ANK3: variants seen among roughly 807,000 people sequenced by gnomAD.
ANK3 encodes the protein ankyrin 3.
A neutral mutation model predicts 370.9 loss-of-function variants in ANK3; 57 were observed. The observed-to-expected ratio is 0.15, with a 90% CI of 0.12 to 0.19. ANK3 has a LOEUF of 0.19. Among genes scored for constraint, ANK3 ranks in the 10% least tolerant of loss-of-function variants. The pLI is 1.00. For synonymous variants in ANK3, 1,929 were observed against 1,946.3 expected (o/e 0.99, Z 0.23); for missense variants, 4,439 against 5,302.1 (o/e 0.84, Z 5.06).
At chr10:60,030,907 T>TA (rs2073344242) in intron 43 of ANK3, among the ~76,000 whole-genome samples, 1 of 152,196 alleles carries the variant, frequency 6.6e-6, no homozygotes, top group South Asian at 2.1e-4. Flanking sequence ...AAGCTCAGGT[T>TA]ATTCAGCTGC....
At chr10:60,723,836 A>G (rs2079898830) in intron 1 of ANK3, among the ~76,000 whole-genome samples, 2 of 152,212 alleles carry the variant, frequency 1.3e-5, no homozygotes, top group South Asian at 4.2e-4. Context: ...CAATCTGATG[A>G]TGTGATGACT....
chr10:60,062,441 A>C (rs1228080672), intron 40 of ANK3: 1 of 152,256 alleles, frequency 6.6e-6, no homozygotes, highest in Non-Finnish European at 1.5e-5. Context: ...AATTAAGCTA[A>C]TGTGAAAGAG....
At chr10:60,305,603 C>A (rs1195065723) in intron 1 of ANK3, among the ~76,000 whole-genome samples, 1 of 152,194 alleles carries the variant, frequency 6.6e-6, no homozygotes, top group Non-Finnish European at 1.5e-5. Flanking sequence ...CCACAGTCTT[C>A]CCCACTCCAG....
chr10:60,584,151 G>C (rs2077797391), intron 2 of ANK3, among the ~76,000 whole-genome samples: 3 of 152,178 alleles, frequency 2.0e-5, no homozygotes, highest in South Asian at 2.1e-4. Context: ...AAGTTCAGAG[G>C]TAGGTGAGAG....
chr10:60,541,417 T>C (rs1357365841), intron 2 of ANK3, among the ~76,000 whole-genome samples: 1 of 151,980 alleles, frequency 6.6e-6, no homozygotes, highest in African/African-American at 2.4e-5. Flanking sequence ...TTTAAAAATA[T>C]AAAAATGGCA....
At chr10:60,160,809 A>G (rs1040316990) in intron 23 of ANK3, among the ~76,000 whole-genome samples, 1 of 152,170 alleles carries the variant, frequency 6.6e-6, no homozygotes, top group Non-Finnish European at 1.5e-5. Flanking sequence ...CCATATGATC[A>G]TTTAATTAAT....
chr10:60,141,560 TG>T (rs2094557548), intron 23 of ANK3, among the ~76,000 whole-genome samples: 7 of 86,382 alleles, frequency 8.1e-5, no homozygotes, highest in African/African-American at 3.0e-4. Flanking sequence ...TTTCAATTGC[TG>T]TTTTTTTTTT....
Position 60,647,169 on chromosome 10 carries a change from C to A in ANK3, c.58-31945G>T, listed in dbSNP as rs144632777. ...TTTAGAGGAGAAATAAAAGGTATAA[C>A]ATGTTATGCCTAACCTTAAGGTGTT... On this transcript the variant is annotated intron_variant, in intron 1 of 43. Coordinates refer to the ANK3 transcript ENST00000373827. 1.9e-3 allele frequency among the ~76,000 whole-genome samples: 285 copies of A among 152,292 alleles called. 2 individuals carry two copies. Among genetic ancestry groups the A allele is most frequent in the African/African-American group, 6.5e-3 (271 of 41,558 alleles).
In ANK3 at chr10:60,054,873, G is replaced by A. The variant is rs2078842964; in HGVS notation, c.13065+785C>T. ...AGAGTAAAAAGCAGTAAAAAATGTAGGAAACAGAGCTGCTTTTTATTTTCT... is the reference window on the plus strand; with the variant it reads ...AGAGTAAAAAGCAGTAAAAAATGTAAGAAACAGAGCTGCTTTTTATTTTCT... On this transcript the variant is annotated intron_variant, in intron 42 of 43. Coordinates refer to ENST00000280772, the MANE Select transcript of ANK3 (RefSeq NM_020987.5). Among the ~76,000 whole-genome samples the A allele has an allele frequency of 1.3e-5, 2 of 152,048 alleles. 1 individual carries two copies. Among genetic ancestry groups the A allele is most frequent in the South Asian group, 4.2e-4 (2 of 4,818 alleles).
intron 2 of ANK3, among the ~76,000 whole-genome samples, chr10:60,421,786 C>T (rs543995203): frequency 1.3e-5 from 2 of 152,194 alleles, no homozygotes; most frequent in South Asian, 2.1e-4. Flanking sequence ...ATTGTAAACA[C>T]AGCATTTGTA....
intron 23 of ANK3, among the ~76,000 whole-genome samples, chr10:60,143,392 T>G (rs964077237): frequency 6.6e-6 from 1 of 152,206 alleles, no homozygotes; most frequent in African/African-American, 2.4e-5. Context: ...ATCCACTATA[T>G]AATCCAAACA....
In ANK3 at chr10:60,680,663, G is replaced by A. The variant is rs187673703; in HGVS notation, c.57+52600C>T. On this transcript the variant is annotated intron_variant, in intron 1 of 43. Transcript: ENST00000373827. ...TTTTGTTTTTAAACGCCAAACCACC[G>A]GGTGACTCCATTTAGATGTCTTGAT... Among the ~76,000 whole-genome samples, 169 of 152,176 alleles carry A rather than the reference G, an allele frequency of 1.1e-3. 6 individuals carry two copies. In the South Asian group the frequency reaches 0.033, roughly 30 times the overall value.
chr10:60,318,547 A>G (rs2047948648), intron 1 of ANK3, among the ~76,000 whole-genome samples: 1 of 152,172 alleles, frequency 6.6e-6, no homozygotes, highest in Non-Finnish European at 1.5e-5. Flanking sequence ...TTCAATTGTA[A>G]TATACCAGAC....
At chr10:60,658,016 CT>C (rs34249629) in intron 1 of ANK3, among the ~76,000 whole-genome samples, 38,742 of 141,272 alleles carry the variant, frequency 0.27, 5,776 homozygotes, top group South Asian at 0.47. Context: ...GCCATTCCAA[CT>C]TTTTTTTTTT....
At chr10:60,120,953 C>T (rs1392003340) in intron 25 of ANK3, among the ~76,000 whole-genome samples, 5 of 152,112 alleles carry the variant, frequency 3.3e-5, no homozygotes, top group Admixed American at 1.3e-4. Flanking sequence ...AGCAAGCCCA[C>T]TGCTAGGTAT....
upstream of ANK3, among the ~76,000 whole-genome samples, chr10:60,393,359 C>T (rs1284013522): frequency 2.0e-5 from 3 of 152,168 alleles, no homozygotes; most frequent in Admixed American, 6.5e-5. Context: ...GTGATTCTCC[C>T]TGCTAAAAAT....
intron 2 of ANK3, among the ~76,000 whole-genome samples, chr10:60,487,840 G>A (rs541034585): frequency 7.2e-5 from 11 of 151,792 alleles, no homozygotes; most frequent in South Asian, 2.1e-4. Context: ...TCAGCCGCCC[G>A]AGTAGCTGGG....
chr10:60,732,469 G>A (rs1252221072), intron 1 of ANK3, among the ~76,000 whole-genome samples: 1 of 152,198 alleles, frequency 6.6e-6, no homozygotes, highest in Non-Finnish European at 1.5e-5. Flanking sequence ...TCTTGATGCA[G>A]CGGTTTTGCT....
At chr10:60,368,087 T>C (rs2059629296) in intron 1 of ANK3, among the ~76,000 whole-genome samples, 1 of 152,170 alleles carries the variant, frequency 6.6e-6, no homozygotes, top group African/African-American at 2.4e-5. Flanking sequence ...TAGCCCTGTA[T>C]CCTAGAATTG....
Sources: allele counts gnomAD v4.1 joint callset (sites outside exome capture counted in the v4.1 genomes callset), GRCh38; gene constraint gnomAD v4.1.1; transcripts MANE v1.5; gene names NCBI Gene and HGNC (gene_info 2026-07-23, HGNC 2026-07-21).